HYDIN: variants seen among roughly 807,000 people sequenced by gnomAD.
HYDIN encodes the protein axonemal central pair apparatus protein HYDIN.
In HYDIN, 132 loss-of-function variants were observed where a neutral mutation model predicts 403.9. The observed-to-expected ratio is 0.33, with a 90% CI of 0.28 to 0.38. The LOEUF (loss-of-function observed/expected upper bound fraction) is 0.38. Among genes scored for constraint, HYDIN ranks in the 10% least tolerant of loss-of-function variants. HYDIN has a pLI of 1.00. For missense variants in HYDIN, 2,827 were observed against 5,009.5 expected (o/e 0.56, Z 13.15); for synonymous variants, 1,202 against 1,891.7 (o/e 0.64, Z 9.46).
chr16:70,820,088 G>C (rs2036138820), intron 83 of HYDIN, among the ~76,000 whole-genome samples: 1 of 146,732 alleles, frequency 6.8e-6, no homozygotes, highest in South Asian at 2.2e-4. Flanking sequence ...CCAAAGTGCT[G>C]AGTTTACAGG....
At chr16:70,945,535 G>C (rs2077827670) in intron 41 of HYDIN, among the ~76,000 whole-genome samples, 1 of 152,192 alleles carries the variant, frequency 6.6e-6, no homozygotes, top group African/African-American at 2.4e-5. Flanking sequence ...TTTAAGTAAT[G>C]CAACTGAGTG....
intron 71 of HYDIN, among the ~76,000 whole-genome samples, chr16:70,859,171 G>A (rs2143610770): frequency 6.6e-6 from 1 of 152,104 alleles, no homozygotes; most frequent in African/African-American, 2.4e-5. Flanking sequence ...CGTGGTGGCG[G>A]GCGCTTGTAG....
chr16:71,093,087 A>T (rs1378150559), intron 11 of HYDIN, among the ~76,000 whole-genome samples: 1 of 151,012 alleles, frequency 6.6e-6, no homozygotes, highest in Non-Finnish European at 1.5e-5. Flanking sequence ...TGAATCTGGC[A>T]CCTATTTGTC....
chr16:71,193,955 T>C (rs1253095701), intron 1 of HYDIN, among the ~76,000 whole-genome samples: 1 of 152,216 alleles, frequency 6.6e-6, no homozygotes, highest in African/African-American at 2.4e-5. Context: ...TAAAATCCTT[T>C]CTACCCAATA....
chr16:70,806,135 ATAT>A lies in HYDIN; in HGVS notation c.*1442_*1444del, dbSNP rs1596997544. ...AAAGCACATGGGTAGTGATGCTGGC[ATAT>A]TATTATAATTATTACATTTTATTAT... On this transcript the variant is annotated 3_prime_UTR_variant, in exon 86 of 86. Coordinates refer to ENST00000393567, the MANE Select transcript of HYDIN (RefSeq NM_001270974.2). 6.6e-6 allele frequency among the ~76,000 whole-genome samples: 1 copy of A among 152,206 alleles called. No homozygotes were observed. The highest frequency in any genetic ancestry group is 1.9e-4 in the East Asian group (1 of 5,202).
intron 45 of HYDIN, among the ~76,000 whole-genome samples, chr16:70,932,747 C>G (rs981685511): frequency 6.6e-6 from 1 of 152,224 alleles, no homozygotes; most frequent in African/African-American, 2.4e-5. Context: ...AAAGGTTCAC[C>G]TCATTAACAA....
chr16:71,218,813 T>C (rs2089035614), intron 1 of HYDIN, among the ~76,000 whole-genome samples: 1 of 152,190 alleles, frequency 6.6e-6, no homozygotes, highest in Admixed American at 6.5e-5. Flanking sequence ...AAGGATTATA[T>C]CAGAAATGAA....
intron 1 of HYDIN, among the ~76,000 whole-genome samples, chr16:71,196,991 A>G (rs1385865508): frequency 1.3e-5 from 2 of 152,194 alleles, no homozygotes; most frequent in Non-Finnish European, 2.9e-5. Context: ...GCCATTCTTT[A>G]TCCCTTTACT....
chr16:70,856,909 A>T (rs1296581816), intron 72 of HYDIN, among the ~76,000 whole-genome samples: 1 of 152,222 alleles, frequency 6.6e-6, no homozygotes, highest in Non-Finnish European at 1.5e-5. Context: ...ACATTGGTGG[A>T]TTTACTATAA....
chr16:70,879,498 A>AG lies in HYDIN; in HGVS notation c.10368-13dup. The AG allele has an allele frequency of 6.2e-7, 1 of 1,612,886 alleles. No homozygotes were observed. The highest frequency in any genetic ancestry group is 8.5e-7 in the Non-Finnish European group (1 of 1,179,336). The stretch of plus-strand genomic sequence containing the variant: ...TCTTGGCCAGGGTGCTGTAGGGGAC[A>AG]GGAAGATTGTAGCCTGTCAGCCTGG... On this transcript the variant is annotated splice_polypyrimidine_tract_variant and intron_variant, in intron 61 of 85. Transcript: ENST00000393567.
chr16:70,969,546 T>C (rs965636355), intron 36 of HYDIN, among the ~76,000 whole-genome samples: 85 of 151,194 alleles, frequency 5.6e-4, no homozygotes, highest in Admixed American at 9.9e-4. Context: ...CCTTCAAGGA[T>C]GAGAGGGGAA....
intron 36 of HYDIN, among the ~76,000 whole-genome samples, chr16:70,969,010 C>T (rs1412213214): frequency 6.6e-6 from 1 of 151,706 alleles, no homozygotes; most frequent in Non-Finnish European, 1.5e-5. Flanking sequence ...AAAATAAAAA[C>T]TCAATATGTG....
rs750800700 is a variant in HYDIN, at chr16:70,955,433, G to A, written c.6258C>T (p.Ala2086=). 38 of 1,613,964 alleles carry A rather than the reference G, an allele frequency of 2.4e-5. No individual in the cohort carries two copies. In the Middle Eastern group the frequency reaches 1.8e-3, roughly 77 times the overall value. The stretch of plus-strand genomic sequence containing the variant: ...TGGCAGCCCTGATGCAGAGCTCACG[G>A]GCCCGGATCCCTGGGATGTTGTTGC... ...ANSNNIPGIR[A]RELCIRAAIE... Residue 2086 remains alanine (A), a synonymous_variant, in exon 40 of 86, where the codon GCC becomes GCT. Coordinates refer to ENST00000393567, the MANE Select transcript of HYDIN (RefSeq NM_001270974.2).
At chr16:71,087,383 G>GT in intron 12 of HYDIN, among the ~76,000 whole-genome samples, 1 of 148,970 alleles carries the variant, frequency 6.7e-6, no homozygotes, top group African/African-American at 2.5e-5. Context: ...TTTTCTATGT[G>GT]TATGTCTGTG....
At chr16:71,118,726 C>T (rs2084146047) in intron 9 of HYDIN, among the ~76,000 whole-genome samples, 1 of 151,066 alleles carries the variant, frequency 6.6e-6, no homozygotes, top group Non-Finnish European at 1.5e-5. Flanking sequence ...TATCTGGCCC[C>T]TTTTGATTGG....
intron 24 of HYDIN, 25 bp downstream of exon 24, chr16:70,992,045 T>C (rs1774514): frequency 3.3e-5 from 53 of 1,613,434 alleles, no homozygotes; most frequent in Non-Finnish European, 4.3e-5. Context: ...CTACTACAAA[T>C]AATCTATGTT....
Position 70,868,560 on chromosome 16 carries a change from C to T in HYDIN, c.11310+10G>A. 5 of 1,607,228 alleles carry T rather than the reference C, an allele frequency of 3.1e-6. No individual in the cohort carries two copies. The highest frequency in any genetic ancestry group is 4.2e-6 in the Non-Finnish European group (5 of 1,177,958). ...GCCTGGTCAGATTGGTGCTTGATGT[C>T]CCCACTTACTTTTCGTTTTGTAGTG... is the stretch of plus-strand genomic sequence containing the variant. On this transcript the variant is annotated intron_variant, in intron 66 of 85. Coordinates refer to ENST00000393567, the MANE Select transcript of HYDIN (RefSeq NM_001270974.2).
chr16:71,049,774 C>T (rs926652939), intron 18 of HYDIN, among the ~76,000 whole-genome samples: 1 of 144,178 alleles, frequency 6.9e-6, no homozygotes, highest in Admixed American at 7.0e-5. Flanking sequence ...CAAGAATAAG[C>T]GGCTATAACC....
chr16:71,057,512 T>C (rs1233768560), intron 18 of HYDIN, among the ~76,000 whole-genome samples: 1 of 152,222 alleles, frequency 6.6e-6, no homozygotes, highest in Non-Finnish European at 1.5e-5. Context: ...TTCAGAAATA[T>C]CTGACAAATG....
Sources: gnomAD v4.1 joint callset for allele counts (sites outside exome capture counted in the v4.1 genomes callset) on GRCh38, gnomAD v4.1.1 for gene constraint, MANE v1.5 for transcripts, NCBI Gene and HGNC (gene_info 2026-07-23, HGNC 2026-07-21) for gene names.